Variants in ABCB4 observed in about 807,000 individuals in gnomAD.
ABCB4 encodes phosphatidylcholine translocator ABCB4.
A neutral mutation model predicts 145.7 loss-of-function variants in ABCB4; 76 were observed. The observed-to-expected ratio is 0.52, with a 90% CI of 0.43 to 0.63. The LOEUF (loss-of-function observed/expected upper bound fraction) is 0.63. Among genes scored for constraint, ABCB4 ranks in the 30% least tolerant of loss-of-function variants. ABCB4 has a pLI of 0.00. For missense variants in ABCB4, 1,234 were observed against 1,553.1 expected (o/e 0.79, Z 3.45); for synonymous variants, 517 against 566.8 (o/e 0.91, Z 1.25).
At chr7:87,366,895 G>A in the ABCB4 span, among the ~76,000 whole-genome samples, 18,908 of 152,140 alleles carry the variant, frequency 0.12, 1,599 homozygotes, top group African/African-American at 0.24. Flanking sequence ...CCAGCACTAC[G>A]GTGCTATCTT....
the ABCB4 span, among the ~76,000 whole-genome samples, chr7:87,366,478 C>A: frequency 1.1e-4 from 16 of 152,242 alleles, no homozygotes; most frequent in African/African-American, 3.9e-4. Flanking sequence ...TCCATTACTA[C>A]CTCAGTCATA....
At chr7:87,406,661 A>T in intron 25 of ABCB4, 167 bp from the exon 26 acceptor site, 1 of 750,868 alleles carries the variant, frequency 1.3e-6, no homozygotes, top group Non-Finnish European at 2.2e-6. Context: ...CAACATGATG[A>T]TTTTTATGGT....
At chr7:87,408,897 T>C (rs1275065858) in intron 24 of ABCB4, among the ~76,000 whole-genome samples, 1 of 152,206 alleles carries the variant, frequency 6.6e-6, no homozygotes, top group Admixed American at 6.5e-5. Flanking sequence ...TTAACTATTA[T>C]AAAAAGTGAT....
At chr7:87,467,015 A>C (rs201852817) in intron 3 of ABCB4, among the ~76,000 whole-genome samples, 2 of 152,170 alleles carry the variant, frequency 1.3e-5, no homozygotes, top group South Asian at 4.1e-4. Context: ...AACCAGCTAA[A>C]ATCATAATGA....
chr7:87,387,937 G>T, the ABCB4 span, among the ~76,000 whole-genome samples: 1 of 152,202 alleles, frequency 6.6e-6, no homozygotes, highest in East Asian at 1.9e-4. Context: ...GGGCGACAGA[G>T]CAAGACTTTG....
the ABCB4 span, among the ~76,000 whole-genome samples, chr7:87,372,846 A>C: frequency 3.9e-5 from 6 of 152,190 alleles, 1 homozygote; most frequent in South Asian, 8.3e-4. Flanking sequence ...TTTATTAACT[A>C]TTCATCAGTT....
chr7:87,408,075 GC>G lies in ABCB4; in HGVS notation c.3240del (p.Gln1080HisfsTer66). On this transcript the variant is annotated frameshift_variant, in exon 25 of 28. Transcript: ENST00000649586. LOFTEE classifies it high-confidence loss of function. ...AAGGGGTCGTAGAACCGCTCCAGGA[GC>G]TGGACCACCGTGCTCTTCCCACAGC... ...SSGCGKSTVV[Q>X]LLERFYDPLA... is the part of the protein sequence containing the mutation. 6.2e-7 allele frequency: 1 copy of G among 1,614,166 alleles called. No homozygotes were observed. The highest frequency in any genetic ancestry group is 8.5e-7 in the Non-Finnish European group (1 of 1,180,042).
chr7:87,440,595 TAC>T (rs1810915890), intron 12 of ABCB4, among the ~76,000 whole-genome samples, 193 bp from the exon 13 acceptor site: 1 of 152,198 alleles, frequency 6.6e-6, no homozygotes, highest in African/African-American at 2.4e-5. Flanking sequence ...TTTTCATATA[TAC>T]AGTTTTTTCG....
At chr7:87,402,407 T>C in intron 27 of ABCB4, 105 bp from the exon 28 acceptor site, 1 of 1,354,416 alleles carries the variant, frequency 7.4e-7, no homozygotes, top group Non-Finnish European at 1.0e-6. Flanking sequence ...TTTTAATTTC[T>C]AGTATCTTAG....
intron 15 of ABCB4, among the ~76,000 whole-genome samples, chr7:87,430,087 G>C (rs31671): frequency 0.68 from 103,170 of 151,934 alleles, 37,087 homozygotes; most frequent in Non-Finnish European, 0.79. Context: ...TAGAAACGAA[G>C]GCTCAGAAGA....
At chr7:87,444,829 C>G in intron 10 of ABCB4, 33 bp downstream of exon 10, 2 of 1,517,928 alleles carry the variant, frequency 1.3e-6, no homozygotes, top group South Asian at 1.2e-5. Context: ...AGCTCAAAGA[C>G]TTCTTTTGGC....
intron 14 of ABCB4, among the ~76,000 whole-genome samples, chr7:87,432,661 T>A (rs1810326465): frequency 6.6e-6 from 1 of 152,280 alleles, no homozygotes; most frequent in East Asian, 1.9e-4. Context: ...ATATGAGATA[T>A]CTAAGAGTAG....
At chr7:87,403,792 T>C (rs1195475161) in intron 26 of ABCB4, among the ~76,000 whole-genome samples, 1 of 152,186 alleles carries the variant, frequency 6.6e-6, no homozygotes, top group Non-Finnish European at 1.5e-5. Context: ...AATGTTGTTA[T>C]GTAACACAGG....
intron 17 of ABCB4, 43 bp from the exon 18 acceptor site, chr7:87,422,268 G>T (rs778683800): frequency 2.1e-6 from 3 of 1,425,900 alleles, no homozygotes; most frequent in Non-Finnish European, 3.0e-6. Context: ...TTACATAACT[G>T]ATCCTTCTTC....
rs537159208 is a variant in ABCB4 at position 87,474,128 on chromosome 7, C to T, written c.80+1258G>A. On this transcript the variant is annotated intron_variant, in intron 2 of 27. Transcript: ENST00000649586. Reference sequence around the variant, plus strand: ...AAGCTGTGGGCTTCCCCTCTGAGGACTTTCCTGGGTTCTGAAGTGTTACTA... The same window carrying T: ...AAGCTGTGGGCTTCCCCTCTGAGGATTTTCCTGGGTTCTGAAGTGTTACTA... Among the ~76,000 whole-genome samples, 12 of 152,304 alleles carry T rather than the reference C, an allele frequency of 7.9e-5. No homozygotes were observed. In the South Asian group the frequency reaches 2.5e-3, roughly 32 times the overall value.
At chr7:87,423,765 C>A (rs1385572695) in intron 17 of ABCB4, 141 bp downstream of exon 17, 3 of 982,622 alleles carry the variant, frequency 3.1e-6, no homozygotes, top group Non-Finnish European at 4.8e-6. Flanking sequence ...CACAGCTTTT[C>A]TCAAAAGGGA....
At chr7:87,443,179 C>T (rs1237731436) in intron 12 of ABCB4, 140 bp downstream of exon 12, 2 of 1,041,808 alleles carry the variant, frequency 1.9e-6, no homozygotes, top group Non-Finnish European at 3.0e-6. Context: ...GGTGTGAAGG[C>T]ATTATCCATC....
rs1562986394 is a variant in ABCB4, at chr7:87,450,068, C to T, written c.733G>A (p.Glu245Lys). The T allele has an allele frequency of 6.2e-7, 1 of 1,614,142 alleles. No homozygotes were observed. Among genetic ancestry groups the T allele is most frequent in the Non-Finnish European group, 8.5e-7 (1 of 1,180,004 alleles). Residue 245 changes from glutamate to lysine, a missense_variant, in exon 8 of 28, where the codon GAA becomes AAA. Coordinates refer to ENST00000649586, the MANE Select transcript of ABCB4 (RefSeq NM_000443.4). ...AKILSAFSDK[E>K]LAAYAKAGAV... is the part of the protein sequence containing the mutation. ...CCTGCTTTTGCATAAGCAGCTAGTT[C>T]TTTGTCACTAAATGCCGAGAGTATC...
At chr7:87,429,458 T>C (rs1210997862) in intron 15 of ABCB4, among the ~76,000 whole-genome samples, 1 of 152,188 alleles carries the variant, frequency 6.6e-6, no homozygotes, top group Non-Finnish European at 1.5e-5. Context: ...AAAGTAAGCT[T>C]GGGAATTTGA....
Sources: gnomAD v4.1 joint callset for allele counts (sites outside exome capture counted in the v4.1 genomes callset) on GRCh38, gnomAD v4.1.1 for gene constraint, MANE v1.5 for transcripts, NCBI Gene and HGNC (gene_info 2026-07-23, HGNC 2026-07-21) for gene names.